TBC1D14: variants seen among roughly 807,000 people sequenced by gnomAD.
TBC1D14 encodes TBC1 domain family member 14.
In TBC1D14, 26 loss-of-function variants were observed where a neutral mutation model predicts 79.0. That is an observed-to-expected ratio of 0.33 (90% confidence interval 0.24 to 0.46). The LOEUF (loss-of-function observed/expected upper bound fraction) is 0.46. Ranked by LOEUF, TBC1D14 falls within the 20% of genes least tolerant of loss-of-function variation. The pLI is 1.00. For missense variants in TBC1D14, 769 were observed against 887.6 expected (o/e 0.87, Z 1.70); for synonymous variants, 394 against 349.9 (o/e 1.13, Z -1.40).
chr4:6,980,865 G>A (rs541394130), intron 3 of TBC1D14, among the ~76,000 whole-genome samples: 5 of 151,060 alleles, frequency 3.3e-5, no homozygotes, highest in South Asian at 2.1e-4. Context: ...ACAGGCGCCC[G>A]CCACCACGCC....
chr4:6,972,541 G>T (rs1316552705), intron 3 of TBC1D14, among the ~76,000 whole-genome samples: 4 of 152,190 alleles, frequency 2.6e-5, no homozygotes, highest in African/African-American at 9.6e-5. Flanking sequence ...AGAGTGCCTG[G>T]AAGGCCCTTC....
At chr4:6,995,587 A>C (rs1718943053) in intron 4 of TBC1D14, 1 of 150,064 alleles carries the variant, frequency 6.7e-6, no homozygotes. Flanking sequence ...ATCTTGGCTC[A>C]CTGCAACCTC....
At chr4:6,963,848 G>A (rs1715462993) in intron 2 of TBC1D14, among the ~76,000 whole-genome samples, 1 of 152,214 alleles carries the variant, frequency 6.6e-6, no homozygotes, top group Non-Finnish European at 1.5e-5. Flanking sequence ...CAGGCTTGGA[G>A]TGCAGTGGTG....
chr4:6,961,833 GA>G lies in TBC1D14; in HGVS notation c.723-5465del, dbSNP rs559095807. On this transcript the variant is annotated intron_variant, in intron 2 of 13. Transcript: ENST00000409757. ...ATCTGTCTGCAGGGTGTATGCAGCC[GA>G]AAAAAGGCAGGAGGACAAGGAGGCT... 3.3e-4 allele frequency among the ~76,000 whole-genome samples: 50 copies of G among 152,252 alleles called. 2 individuals are homozygous for G. In the South Asian group the frequency reaches 9.3e-3, roughly 28 times the overall value.
At chr4:6,938,292 C>T (rs542700755) in intron 2 of TBC1D14, among the ~76,000 whole-genome samples, 2 of 152,270 alleles carry the variant, frequency 1.3e-5, no homozygotes, top group Non-Finnish European at 2.9e-5. Context: ...CTGCATGAGA[C>T]AGTGGTGCCA....
At chr4:6,996,930 T>G (rs1577142825) in intron 5 of TBC1D14, 1 of 152,434 alleles carries the variant, frequency 6.6e-6, no homozygotes, top group East Asian at 1.9e-4. Flanking sequence ...GGTTGTTTTT[T>G]AAAGTTCCAA....
At chr4:6,979,245 A>G (rs1485157848) in intron 3 of TBC1D14, among the ~76,000 whole-genome samples, 4 of 152,232 alleles carry the variant, frequency 2.6e-5, no homozygotes, top group African/African-American at 7.2e-5. Context: ...CCTAAATTCA[A>G]ACATATCAAC....
At chr4:6,922,700 A>G (rs1376736815) in intron 1 of TBC1D14, among the ~76,000 whole-genome samples, 19 of 152,168 alleles carry the variant, frequency 1.2e-4, no homozygotes, top group Non-Finnish European at 1.3e-4. Flanking sequence ...TTATGGATTC[A>G]CATACTTTTG....
chr4:7,028,859 C>G (rs1227913887), intron 13 of TBC1D14, among the ~76,000 whole-genome samples: 1 of 151,092 alleles, frequency 6.6e-6, no homozygotes, highest in Non-Finnish European at 1.5e-5. Context: ...TTTTTTGAGA[C>G]AGAGTCTCAC....
chr4:6,968,176 C>T (rs1715874962), intron 3 of TBC1D14, among the ~76,000 whole-genome samples: 1 of 152,170 alleles, frequency 6.6e-6, no homozygotes, highest in Non-Finnish European at 1.5e-5. Flanking sequence ...TATTCATTGA[C>T]ATTTGCTCAG....
chr4:6,956,832 G>C (rs575797156), intron 2 of TBC1D14, among the ~76,000 whole-genome samples: 2 of 152,362 alleles, frequency 1.3e-5, no homozygotes, highest in East Asian at 3.9e-4. Flanking sequence ...GCTCAGGTGT[G>C]GGGGCCTTCT....
At chr4:6,981,000 CCACCGCGCCCGG>C (rs1475886960) in intron 3 of TBC1D14, among the ~76,000 whole-genome samples, 2 of 149,988 alleles carry the variant, frequency 1.3e-5, no homozygotes, top group Non-Finnish European at 3.0e-5. Flanking sequence ...CAGGCGTGAG[CCACCGCGCCCGG>C]CCTCTGTCTC....
chr4:6,980,067 A>G (rs990646290), intron 3 of TBC1D14, among the ~76,000 whole-genome samples: 1 of 152,248 alleles, frequency 6.6e-6, no homozygotes, highest in Non-Finnish European at 1.5e-5. Context: ...TTCACAATTT[A>G]TAGAACACAG....
intron 1 of TBC1D14, among the ~76,000 whole-genome samples, chr4:6,921,756 G>A (rs1436150813): frequency 6.7e-6 from 1 of 149,350 alleles, no homozygotes; most frequent in South Asian, 2.1e-4. Flanking sequence ...GAGTGCAGTG[G>A]CATGATCTCG....
At chr4:6,968,942 T>C (rs1308252794) in intron 3 of TBC1D14, among the ~76,000 whole-genome samples, 1 of 152,208 alleles carries the variant, frequency 6.6e-6, no homozygotes, top group African/African-American at 2.4e-5. Context: ...ATTGACTTGC[T>C]GGGTGACCTG....
At chr4:7,006,825 T>C in intron 9 of TBC1D14, 99 bp downstream of exon 9, 1 of 1,073,126 alleles carries the variant, frequency 9.3e-7, no homozygotes, top group Non-Finnish European at 1.4e-6. Flanking sequence ...GGTACTTGGG[T>C]TTTTGGGGGT....
intron 2 of TBC1D14, among the ~76,000 whole-genome samples, chr4:6,935,011 C>T (rs1001278021): frequency 8.5e-5 from 13 of 152,126 alleles, no homozygotes; most frequent in Non-Finnish European, 1.0e-4. Flanking sequence ...CCCAGGAGGT[C>T]GAGGCTGCAG....
chr4:6,937,825 C>G (rs1242271199), intron 2 of TBC1D14, among the ~76,000 whole-genome samples: 1 of 152,060 alleles, frequency 6.6e-6, no homozygotes, highest in African/African-American at 2.4e-5. Context: ...GATGGAGACC[C>G]TGAAGCCTGG....
intron 2 of TBC1D14, among the ~76,000 whole-genome samples, chr4:6,938,081 G>A (rs963723386): frequency 6.6e-5 from 10 of 152,204 alleles, no homozygotes; most frequent in Admixed American, 3.3e-4. Flanking sequence ...CGTCCCGGGC[G>A]TTGTGGTGGT....
Sources: gnomAD v4.1 joint callset for allele counts (sites outside exome capture counted in the v4.1 genomes callset) on GRCh38, gnomAD v4.1.1 for gene constraint, MANE v1.5 for transcripts, NCBI Gene and HGNC (gene_info 2026-07-23, HGNC 2026-07-21) for gene names.